Variants in RBM19 observed in about 807,000 individuals in gnomAD.
RBM19 encodes RNA binding motif protein 19, also known as probable RNA-binding protein 19.
RBM19 carries 94 observed loss-of-function variants against 116.8 expected under a neutral mutation model. That is an observed-to-expected ratio of 0.80 (90% CI 0.68 to 0.95). The LOEUF is 0.95. Ranked by LOEUF, RBM19 falls within the 40% of genes least tolerant of loss-of-function variation. RBM19 has a pLI of 0.00. For synonymous variants in RBM19, 475 were observed against 494.1 expected, an observed-to-expected ratio of 0.96 and a Z score of 0.51; for missense variants, 1,161 against 1,220.7, an observed-to-expected ratio of 0.95 and a Z score of 0.73.
intron 21 of RBM19, among the ~76,000 whole-genome samples, chr12:113,893,796 A>G (rs2135812338): frequency 6.6e-6 from 1 of 152,368 alleles, no homozygotes; most frequent in South Asian, 2.1e-4. Context: ...GGCTCTTTCA[A>G]TTGACATTGA....
rs183804386 is a variant in RBM19 at position 113,899,879 on chromosome 12, C to T, written c.2558+15090G>A. On this transcript the variant is annotated intron_variant, in intron 21 of 23. Transcript: ENST00000261741. ...CAACAATGAGCCAACGGCGGCCCTC[C>T]GAGCAAGCCCAGACAAAGCACAGAG... 2.0e-3 allele frequency among the ~76,000 whole-genome samples: 302 copies of T among 152,250 alleles called. 1 individual carries two copies. The highest frequency in any genetic ancestry group is 7.0e-3 in the African/African-American group (290 of 41,552).
chr12:113,877,894 A>G (rs560288899), intron 21 of RBM19, among the ~76,000 whole-genome samples: 14 of 152,344 alleles, frequency 9.2e-5, no homozygotes, highest in Admixed American at 9.1e-4. Flanking sequence ...TTTAAATGAT[A>G]CAGAGGAAAA....
chr12:113,828,714 G>A (rs1308843536), intron 23 of RBM19, among the ~76,000 whole-genome samples: 1 of 152,168 alleles, frequency 6.6e-6, no homozygotes, highest in Non-Finnish European at 1.5e-5. Context: ...CCCGGGGGCT[G>A]GCCTGGCTTG....
downstream of RBM19, among the ~76,000 whole-genome samples, chr12:113,821,752 T>G (rs1593442209): frequency 6.6e-6 from 1 of 151,300 alleles, no homozygotes; most frequent in Admixed American, 6.6e-5. Flanking sequence ...CTAAAAAAAT[T>G]AAAAATAAAC....
rs538823316 is a variant in RBM19, at chr12:113,871,583, C to T, written c.2559-12687G>A. On this transcript the variant is annotated intron_variant, in intron 21 of 23. Transcript: ENST00000261741. ...CTAGGTGCCAGTGAAACTTTATTTA[C>T]CAAAACGGACGACGGGGACGTAGGC... Among the ~76,000 whole-genome samples, 474 of 152,318 alleles carry T rather than the reference C, an allele frequency of 3.1e-3. 4 individuals carry two copies. The highest frequency in any genetic ancestry group is 0.01 in the Middle Eastern group (3 of 294).
chr12:113,837,387 G>GAAA (rs1483109986), intron 23 of RBM19, among the ~76,000 whole-genome samples: 27 of 152,300 alleles, frequency 1.8e-4, no homozygotes, highest in African/African-American at 6.0e-4. Flanking sequence ...CAAAGAAAGT[G>GAAA]GGAGTATTTT....
At chr12:113,836,994 TAC>T (rs55991489) in intron 23 of RBM19, among the ~76,000 whole-genome samples, 14,209 of 55,958 alleles carry the variant, frequency 0.25, 2,603 homozygotes, top group Non-Finnish European at 0.29. Context: ...ACTTACTACA[TAC>T]ACACACACAC....
intron 14 of RBM19, among the ~76,000 whole-genome samples, chr12:113,941,328 C>T (rs1170039356): frequency 6.6e-6 from 1 of 152,156 alleles, no homozygotes; most frequent in Non-Finnish European, 1.5e-5. Flanking sequence ...ACTCTGGGGC[C>T]AGAAGGCCTG....
intron 21 of RBM19, among the ~76,000 whole-genome samples, chr12:113,871,442 T>C (rs924080104): frequency 6.6e-6 from 1 of 151,984 alleles, no homozygotes; most frequent in Non-Finnish European, 1.5e-5. Flanking sequence ...AGACCAGGGA[T>C]GCACACATTT....
At chr12:113,869,656 C>T (rs1431409522) in intron 21 of RBM19, among the ~76,000 whole-genome samples, 1 of 152,140 alleles carries the variant, frequency 6.6e-6, no homozygotes, top group Non-Finnish European at 1.5e-5. Flanking sequence ...CAATTTAACA[C>T]CCTTTGGTGT....
chr12:113,830,495 G>A (rs966555076), intron 23 of RBM19, among the ~76,000 whole-genome samples: 1 of 145,174 alleles, frequency 6.9e-6, no homozygotes, highest in African/African-American at 2.5e-5. Flanking sequence ...GACTGGCCAC[G>A]CACAACCCCA....
At chr12:113,873,900 T>C (rs1370774283) in intron 21 of RBM19, among the ~76,000 whole-genome samples, 1 of 152,184 alleles carries the variant, frequency 6.6e-6, no homozygotes, top group Admixed American at 6.5e-5. Context: ...GGGAGTGCTG[T>C]GCCCCAGAGG....
At chr12:113,934,850 C>T (rs1227253501) in intron 16 of RBM19, among the ~76,000 whole-genome samples, 1 of 148,886 alleles carries the variant, frequency 6.7e-6, no homozygotes, top group Non-Finnish European at 1.5e-5. Flanking sequence ...AGCCTTGGGA[C>T]ACAAAGACAA....
intron 20 of RBM19, among the ~76,000 whole-genome samples, chr12:113,916,017 A>C (rs1882746011): frequency 2.6e-5 from 4 of 152,018 alleles, no homozygotes; most frequent in Admixed American, 2.6e-4. Flanking sequence ...TATACATTTA[A>C]TCATGTTTCT....
intron 21 of RBM19, among the ~76,000 whole-genome samples, chr12:113,883,561 A>G (rs1031702527): frequency 5.3e-5 from 8 of 152,258 alleles, no homozygotes; most frequent in African/African-American, 9.6e-5. Context: ...AAAGACAGCT[A>G]TTATCTTCTA....
intron 23 of RBM19, among the ~76,000 whole-genome samples, chr12:113,824,208 G>T (rs147832475): frequency 6.6e-6 from 1 of 152,200 alleles, no homozygotes; most frequent in Non-Finnish European, 1.5e-5. Context: ...GTAGGAGACG[G>T]AACTGAGGCA....
chr12:113,942,430 G>A lies in RBM19; in HGVS notation c.1631C>T (p.Thr544Ile). Reference sequence around the variant, plus strand: ...CACGCGCACGGCCACGCTGCCCTTGGTCTCCTGTGGAAGAGGAAAGGAAGA... The same window carrying A: ...CACGCGCACGGCCACGCTGCCCTTGATCTCCTGTGGAAGAGGAAAGGAAGA... ...ATKSQVFDHE[T>I]KGSVAVRVAL... Residue 544 changes from threonine (T) to isoleucine (I), a missense_variant, in exon 14 of 24, where the codon ACC becomes ATC. Thr to Ile is a moderately conservative substitution (Grantham distance 89). Coordinates refer to ENST00000261741, the MANE Select transcript of RBM19 (RefSeq NM_016196.4). The A allele has an allele frequency of 6.2e-7, 1 of 1,604,602 alleles. No homozygotes were observed. The highest frequency in any genetic ancestry group is 1.7e-5 in the Admixed American group (1 of 59,708).
intron 22 of RBM19, among the ~76,000 whole-genome samples, chr12:113,848,913 T>C (rs1222058811): frequency 6.6e-6 from 1 of 152,210 alleles, no homozygotes; most frequent in Non-Finnish European, 1.5e-5. Flanking sequence ...TTAGCATGGA[T>C]GATCCTATCT....
chr12:113,932,007 G>C (rs1449468923), intron 16 of RBM19, among the ~76,000 whole-genome samples: 1 of 152,224 alleles, frequency 6.6e-6, no homozygotes, highest in Admixed American at 6.5e-5. Flanking sequence ...ACTGGGCTCA[G>C]AACAGATCTA....
Sources: gnomAD v4.1 joint callset for allele counts (sites outside exome capture counted in the v4.1 genomes callset) on GRCh38, gnomAD v4.1.1 for gene constraint, MANE v1.5 for transcripts, NCBI Gene and HGNC (gene_info 2026-07-23, HGNC 2026-07-21) for gene names.